SLC26A5: variants seen among roughly 807,000 people sequenced by gnomAD.
SLC26A5 encodes the protein solute carrier family 26 member 5.
A neutral mutation model predicts 81.0 loss-of-function variants in SLC26A5; 51 were observed. The observed-to-expected ratio is 0.63, with a 90% CI of 0.50 to 0.80. The LOEUF is 0.80. Ranked by LOEUF, SLC26A5 falls within the 30% of genes least tolerant of loss-of-function variation. The probability of loss-of-function intolerance (pLI) is 0.00; values close to 1 mark genes in which losing one functional copy is unlikely to be tolerated. For missense variants in SLC26A5, 771 were observed against 905.8 expected (o/e 0.85, Z 1.91); for synonymous variants, 325 against 332.8 (o/e 0.98, Z 0.25).
chr7:103,422,135 C>G (rs1351236999), intron 2 of SLC26A5, among the ~76,000 whole-genome samples: 1 of 152,192 alleles, frequency 6.6e-6, no homozygotes, highest in African/African-American at 2.4e-5. Context: ...AAGTTGATTA[C>G]ATTGTCATGT....
At chr7:103,436,916 G>C (rs1230307683) in intron 2 of SLC26A5, among the ~76,000 whole-genome samples, 2 of 152,152 alleles carry the variant, frequency 1.3e-5, no homozygotes, top group African/African-American at 2.4e-5. Flanking sequence ...CAAAGTCACA[G>C]ACAACAAAAG....
At chr7:103,363,735 T>A (rs1321222029) in intron 19 of SLC26A5, among the ~76,000 whole-genome samples, 1 of 152,208 alleles carries the variant, frequency 6.6e-6, no homozygotes, top group Non-Finnish European at 1.5e-5. Context: ...TAGAAGAAAC[T>A]GGTTCTTCAA....
At chr7:103,376,648 T>C (rs1208004909) in intron 19 of SLC26A5, among the ~76,000 whole-genome samples, 160 bp downstream of exon 19, 1 of 152,158 alleles carries the variant, frequency 6.6e-6, no homozygotes, top group Non-Finnish European at 1.5e-5. Context: ...AATGCCTCCA[T>C]GTGGCTAATT....
At chr7:103,387,233 G>A (rs1242344846) in intron 14 of SLC26A5, among the ~76,000 whole-genome samples, 1 of 152,176 alleles carries the variant, frequency 6.6e-6, no homozygotes, top group Non-Finnish European at 1.5e-5. Flanking sequence ...CCTGAGTTTA[G>A]AATCCCACAT....
chr7:103,405,043 T>C (rs1381920691), intron 8 of SLC26A5, among the ~76,000 whole-genome samples: 2 of 152,176 alleles, frequency 1.3e-5, no homozygotes, highest in East Asian at 1.9e-4. Context: ...AAGTCATTTA[T>C]GTTCTTCTCT....
intron 7 of SLC26A5, among the ~76,000 whole-genome samples, chr7:103,410,132 T>A (rs2116640737): frequency 6.6e-6 from 1 of 152,314 alleles, no homozygotes; most frequent in South Asian, 2.1e-4. Flanking sequence ...GATGGTGCAG[T>A]CACCAAATAA....
intron 19 of SLC26A5, chr7:103,368,175 T>A: frequency 1.2e-6 from 1 of 834,998 alleles, no homozygotes; most frequent in Non-Finnish European, 1.8e-6. Context: ...CCATATCTCT[T>A]CTTGTAATAT....
At chr7:103,402,960 T>G (rs1327896119) in intron 8 of SLC26A5, among the ~76,000 whole-genome samples, 1 of 152,208 alleles carries the variant, frequency 6.6e-6, no homozygotes, top group Non-Finnish European at 1.5e-5. Context: ...ATTTTAATTG[T>G]GATGTTAGGG....
chr7:103,400,756 A>T (rs922684262), intron 8 of SLC26A5, among the ~76,000 whole-genome samples: 2 of 152,042 alleles, frequency 1.3e-5, no homozygotes, highest in African/African-American at 4.8e-5. Context: ...AAGGTGTAAG[A>T]AAGGGGTGCA....
At chr7:103,414,271 A>T (rs1372405479) in intron 4 of SLC26A5, among the ~76,000 whole-genome samples, 4 of 150,174 alleles carry the variant, frequency 2.7e-5, no homozygotes, top group Non-Finnish European at 4.4e-5. Context: ...ATGCAGCCAC[A>T]ACCTCCCGGG....
intron 19 of SLC26A5, among the ~76,000 whole-genome samples, chr7:103,359,172 A>ATTTTTTTTTTTTTTTTT (rs1586155184): frequency 5.1e-5 from 3 of 58,384 alleles, no homozygotes; most frequent in Non-Finnish European, 6.4e-5. Flanking sequence ...TTTTTTTTTA[A>ATTTTTTTTTTTTTTTTT]TTTTTAGTAG....
intron 2 of SLC26A5, among the ~76,000 whole-genome samples, chr7:103,428,569 T>C (rs1045857662): frequency 4.0e-5 from 6 of 150,800 alleles, no homozygotes; most frequent in Non-Finnish European, 7.4e-5. Flanking sequence ...TTTTTTTTTT[T>C]TTTTTTTTTT....
intron 5 of SLC26A5, 60 bp downstream of exon 5, chr7:103,412,942 A>G (rs925098336): frequency 1.7e-5 from 20 of 1,208,744 alleles, no homozygotes; most frequent in Non-Finnish European, 2.5e-5. Flanking sequence ...TTTCTTTGGC[A>G]CATTGCAAGG....
chr7:103,424,288 G>A (rs1041276107), intron 2 of SLC26A5, among the ~76,000 whole-genome samples: 1 of 152,086 alleles, frequency 6.6e-6, no homozygotes, highest in African/African-American at 2.4e-5. Context: ...GCCTATGCAT[G>A]TTACTTGGTA....
At chr7:103,431,363 C>G (rs1055164297) in intron 2 of SLC26A5, among the ~76,000 whole-genome samples, 1 of 151,542 alleles carries the variant, frequency 6.6e-6, no homozygotes, top group Non-Finnish European at 1.5e-5. Context: ...CACTCTGTCA[C>G]CCAGGCTGGA....
chr7:103,362,389 T>C, intron 19 of SLC26A5: 2 of 1,336,520 alleles, frequency 1.5e-6, no homozygotes, highest in Non-Finnish European at 1.9e-6. Flanking sequence ...TTTAGGATAG[T>C]TGTGATGCTA....
chr7:103,362,528 C>T, intron 19 of SLC26A5: 1 of 1,406,110 alleles, frequency 7.1e-7, no homozygotes, highest in South Asian at 1.5e-5. Context: ...AGTTTAGTAT[C>T]CTCAGATTTC....
rs147721019 is a variant in SLC26A5 at position 103,431,247 on chromosome 7, A to G, written c.-53-9680T>C. Among the ~76,000 whole-genome samples, 130 of 152,300 alleles carry G rather than the reference A, an allele frequency of 8.5e-4. 1 individual carries two copies. Among genetic ancestry groups the G allele is most frequent in the Middle Eastern group, 3.4e-3 (1 of 294 alleles). ...TTGCAAGTATTATGAAATAACTAAT[A>G]ATGAAAAGCAATACTTTTCCATCCC... On this transcript the variant is annotated intron_variant, in intron 2 of 19. Transcript: ENST00000306312.
intron 2 of SLC26A5, among the ~76,000 whole-genome samples, chr7:103,430,199 C>T (rs184329752): frequency 1.7e-3 from 256 of 152,026 alleles, no homozygotes; most frequent in African/African-American, 6.0e-3. Context: ...CTGCCTCAGC[C>T]TCCCAAGTAG....
Sources: gnomAD v4.1 joint callset for allele counts (sites outside exome capture counted in the v4.1 genomes callset) on GRCh38, gnomAD v4.1.1 for gene constraint, MANE v1.5 for transcripts, NCBI Gene and HGNC (gene_info 2026-07-23, HGNC 2026-07-21) for gene names.